UBE2D2: variants seen among roughly 807,000 people sequenced by gnomAD.
UBE2D2 encodes the protein ubiquitin-conjugating enzyme E2 D2.
UBE2D2 carries 2 observed loss-of-function variants against 24.2 expected under a neutral mutation model. The observed-to-expected ratio is 0.08, with a 90% CI of 0.03 to 0.26. The LOEUF is 0.26. Ranked by LOEUF, UBE2D2 falls within the 10% of genes least tolerant of loss-of-function variation. The pLI, the probability that UBE2D2 is intolerant of heterozygous loss-of-function variation, is 1.00. For synonymous variants in UBE2D2, 58 were observed against 56.5 expected (o/e 1.03, Z -0.12); for missense variants, 44 against 177.6 (o/e 0.25, Z 4.28).
chr5:139,583,216 C>G (rs1753645048), intron 1 of UBE2D2, among the ~76,000 whole-genome samples: 1 of 152,010 alleles, frequency 6.6e-6, no homozygotes. Flanking sequence ...CTCAGGTGAT[C>G]CACCTGCCTA....
At chr5:139,559,306 A>G (rs1305691452), upstream of UBE2D2, among the ~76,000 whole-genome samples, 1 of 151,986 alleles carries the variant, frequency 6.6e-6, no homozygotes, top group Non-Finnish European at 1.5e-5. Flanking sequence ...AGGTGCCTGT[A>G]GTCCCAGCTA....
intron 2 of UBE2D2, among the ~76,000 whole-genome samples, chr5:139,610,984 AC>A (rs1460784729): frequency 6.6e-6 from 1 of 152,090 alleles, no homozygotes; most frequent in African/African-American, 2.4e-5. Flanking sequence ...CAAAACTATA[AC>A]CAAAGGAGGC....
intron 1 of UBE2D2, among the ~76,000 whole-genome samples, chr5:139,579,679 G>T (rs1753553418): frequency 6.6e-6 from 1 of 152,138 alleles, no homozygotes; most frequent in Non-Finnish European, 1.5e-5. Context: ...TTACTGGGCA[G>T]TTTTCATGGA....
upstream of UBE2D2, among the ~76,000 whole-genome samples, chr5:139,560,342 C>A (rs1399712910): frequency 1.3e-5 from 2 of 152,092 alleles, no homozygotes; most frequent in East Asian, 3.9e-4. Flanking sequence ...GGACTACAGG[C>A]GCCTGCCACC....
chr5:139,625,390 C>T (rs66761114), intron 6 of UBE2D2, among the ~76,000 whole-genome samples: 17,741 of 131,508 alleles, frequency 0.13, 1,405 homozygotes, highest in Middle Eastern at 0.2. Context: ...GCTGCTGTTA[C>T]AGGCATGAGT....
chr5:139,554,154 T>C (rs1312550132), intron 1 of UBE2D2, among the ~76,000 whole-genome samples: 1 of 152,156 alleles, frequency 6.6e-6, no homozygotes, highest in Non-Finnish European at 1.5e-5. Context: ...ACATTTCCAT[T>C]ACCCTAAAGA....
chr5:139,539,044 A>G (rs187575547), intron 1 of UBE2D2, among the ~76,000 whole-genome samples: 1 of 151,634 alleles, frequency 6.6e-6, no homozygotes, highest in East Asian at 1.9e-4. Context: ...TTTTTTTTTG[A>G]GATGGCGTCT....
At chr5:139,550,669 C>G (rs756682279) in intron 1 of UBE2D2, among the ~76,000 whole-genome samples, 6 of 151,960 alleles carry the variant, frequency 3.9e-5, no homozygotes, top group Admixed American at 2.0e-4. Flanking sequence ...TCGTGAAGCT[C>G]TGCAGCCTCA....
chr5:139,569,059 T>C (rs1753300655), intron 1 of UBE2D2, among the ~76,000 whole-genome samples: 1 of 152,174 alleles, frequency 6.6e-6, no homozygotes, highest in African/African-American at 2.4e-5. Context: ...CCTATCAAAA[T>C]GATGAATTAA....
chr5:139,566,628 T>A (rs1205587872), intron 1 of UBE2D2, among the ~76,000 whole-genome samples: 8 of 151,992 alleles, frequency 5.3e-5, no homozygotes, highest in Non-Finnish European at 8.8e-5. Flanking sequence ...TGAACCGTGA[T>A]CAAGCCGCTA....
intron 1 of UBE2D2, among the ~76,000 whole-genome samples, chr5:139,586,414 AC>A (rs1298599461): frequency 1.3e-5 from 2 of 151,802 alleles, no homozygotes; most frequent in Admixed American, 6.6e-5. Flanking sequence ...AACACCCTCC[AC>A]CCCCTCTTCA....
At chr5:139,603,476 A>G (rs1754125598) in intron 2 of UBE2D2, among the ~76,000 whole-genome samples, 1 of 151,888 alleles carries the variant, frequency 6.6e-6, no homozygotes, top group Non-Finnish European at 1.5e-5. Context: ...TACAAAAATT[A>G]GCTGGGCGCG....
intron 1 of UBE2D2, among the ~76,000 whole-genome samples, chr5:139,533,962 TA>T (rs1398702787): frequency 6.6e-6 from 1 of 151,490 alleles, no homozygotes; most frequent in Non-Finnish European, 1.5e-5. Flanking sequence ...TTTGTATATT[TA>T]GTAGAGACAC....
intron 1 of UBE2D2, among the ~76,000 whole-genome samples, chr5:139,573,337 A>T (rs1753395236): frequency 6.6e-6 from 1 of 151,912 alleles, no homozygotes; most frequent in Non-Finnish European, 1.5e-5. Flanking sequence ...TACTATCAAG[A>T]TGAAACATCT....
rs71574455 is a variant in UBE2D2 at position 139,625,430 on chromosome 5, AC to A, written c.399-1316del. On this transcript the variant is annotated intron_variant, in intron 6 of 6. Coordinates refer to ENST00000398733, the MANE Select transcript of UBE2D2 (RefSeq NM_003339.3). ...GTGCAAGGCCAGCATACCCACCCCC[AC>A]CCCCCCCCCTTTTTTTTTTTTTTTT... Among the ~76,000 whole-genome samples, 201 of 21,970 alleles carry A rather than the reference AC, an allele frequency of 9.1e-3. 4 individuals carry two copies. The highest frequency in any genetic ancestry group is 0.024 in the South Asian group (8 of 332). The allele number at this position is 21,970 out of a possible 152,430, so 14.4% of individuals were successfully genotyped here. A position where few individuals can be genotyped will look rare whatever the true frequency, so the allele number is the denominator to read the frequency against.
upstream of UBE2D2, among the ~76,000 whole-genome samples, chr5:139,558,580 G>T (rs369440836): frequency 1.3e-5 from 2 of 152,004 alleles, no homozygotes; most frequent in African/African-American, 2.4e-5. Context: ...GAGCCACCGC[G>T]CCCAGCCAAT....
At chr5:139,526,643 C>G (rs1357711048) in intron 1 of UBE2D2, 1 of 152,224 alleles carries the variant, frequency 6.6e-6, no homozygotes, top group Admixed American at 6.5e-5. Context: ...TTGCCCCACT[C>G]CATCTGAGTG....
intron 1 of UBE2D2, among the ~76,000 whole-genome samples, chr5:139,575,778 T>C (rs1196902818): frequency 1.3e-5 from 2 of 152,180 alleles, no homozygotes; most frequent in Non-Finnish European, 2.9e-5. Context: ...ATAATCTCAG[T>C]GCTTTGGGAG....
intron 1 of UBE2D2, among the ~76,000 whole-genome samples, chr5:139,568,301 G>A (rs1017504195): frequency 8.6e-5 from 13 of 151,044 alleles, no homozygotes; most frequent in African/African-American, 2.9e-4. Context: ...CCAAGATCTC[G>A]CCACTGCACT....
Sources: allele counts gnomAD v4.1 joint callset (sites outside exome capture counted in the v4.1 genomes callset), GRCh38; gene constraint gnomAD v4.1.1; transcripts MANE v1.5; gene names NCBI Gene and HGNC (gene_info 2026-07-23, HGNC 2026-07-21).